Variants in SDF4 observed in about 807,000 individuals in gnomAD.
SDF4 encodes the protein 45 kDa calcium-binding protein.
A neutral mutation model predicts 34.2 loss-of-function variants in SDF4; 22 were observed. The ratio of observed to expected loss-of-function variants is 0.64; its 90% CI spans 0.46 to 0.92. The LOEUF (loss-of-function observed/expected upper bound fraction) is 0.92, where lower values mean the gene tolerates loss of function less well. SDF4 is among the 40% of genes least tolerant of loss of function. SDF4 has a pLI of 0.00. For missense variants in SDF4, 447 were observed against 499.9 expected (o/e 0.89, Z 1.01); for synonymous variants, 236 against 203.1 (o/e 1.16, Z -1.38).
In SDF4 at chr1:1,217,631, C is replaced by T. The variant is rs1016559721; in HGVS notation, c.949G>A (p.Ala317Thr). ...NALNEAKQMI[A>T]VADENQNHHL... ...TGGTTCTGGTTCTCGTCGGCGACGG[C>T]GATCATCTGCTTGGCCTCGTTCAGC... Residue 317 changes from alanine (A) to threonine (T), a missense_variant, in exon 7 of 7, where the codon GCC (alanine) becomes ACC (threonine). Ala to Thr is a moderately conservative substitution (Grantham distance 58). Coordinates refer to ENST00000360001, the MANE Select transcript of SDF4 (RefSeq NM_016176.6). The surrounding 1 kb of genome is among the most constrained non-coding windows in gnomAD (Gnocchi z 8.5). 17 of 1,613,696 alleles carry T rather than the reference C, an allele frequency of 1.1e-5. No homozygotes were observed. Among genetic ancestry groups the T allele is most frequent in the African/African-American group, 2.7e-5 (2 of 74,908 alleles).
chr1:1,227,685 G>A (rs58937376), intron 2 of SDF4, among the ~76,000 whole-genome samples: 25,557 of 152,170 alleles, frequency 0.17, 3,848 homozygotes, highest in East Asian at 0.6. Context: ...GGGCCACACC[G>A]CAGGGCACCC....
chr1:1,223,801 C>T lies in SDF4; in HGVS notation c.442+31G>A, dbSNP rs768137926. Reference sequence around the variant, plus strand: ...CCATGGCCCTGCCCGCCCCGCCCACCGCCCCACCCACCCCGGCCCAGCCAC... The same window carrying T: ...CCATGGCCCTGCCCGCCCCGCCCACTGCCCCACCCACCCCGGCCCAGCCAC... On this transcript the variant is annotated intron_variant, in intron 3 of 6. Transcript: ENST00000360001. 1.9e-4 allele frequency: 118 copies of T among 631,116 alleles called. 1 individual carries two copies. The highest frequency in any genetic ancestry group is 1.5e-3 in the South Asian group (87 of 58,186). 39.1% of individuals were successfully genotyped at this position (631,116 alleles called of 1,614,324 possible). A position where few individuals can be genotyped will look rare whatever the true frequency, so the allele number is the denominator to read the frequency against.
chr1:1,223,154 GAC>G (rs59317408), intron 4 of SDF4, 88 bp downstream of exon 4: 32 of 901,860 alleles, frequency 3.5e-5, no homozygotes, highest in African/African-American at 8.2e-5. Context: ...ACTCATACAC[GAC>G]ACACACGGCA....
chr1:1,228,663 G>A lies in SDF4; in HGVS notation c.110C>T (p.Thr37Ile). 6.2e-7 allele frequency: 1 copy of A among 1,613,150 alleles called. No individual in the cohort carries two copies. Among genetic ancestry groups the A allele is most frequent in the South Asian group, 1.1e-5 (1 of 91,084 alleles). The stretch of plus-strand genomic sequence containing the variant: ...CTCCCTGTTGGCTACTCTCTCTCGA[G>A]TGGACGAGTGGTTGGCAGGCCGTGC... ...ASARPANHSSTRERVANREEN... is the reference protein window; with the variant it reads ...ASARPANHSSIRERVANREEN... Residue 37 changes from threonine to isoleucine, a missense_variant, in exon 2 of 7, where the codon ACT becomes ATT. By Grantham distance (89) the Thr-to-Ile change is moderately conservative (BLOSUM62 -1). Coordinates refer to ENST00000360001, the MANE Select transcript of SDF4 (RefSeq NM_016176.6).
In SDF4 at chr1:1,228,753, G is replaced by A; in HGVS notation, c.20C>T (p.Pro7Leu). MASRWG[P>L]LIGLAPCCLW... ...GCAGCACGGAGCCAGGCCAATGAGG[G>A]GACCCCACCTGGACGCCATCGCCAC... is the stretch of plus-strand genomic sequence containing the variant. Residue 7 changes from proline to leucine, a missense_variant, in exon 2 of 7, where the codon CCC (proline) becomes CTC (leucine). Transcript: ENST00000360001. 1 of 1,611,222 alleles carries A rather than the reference G, an allele frequency of 6.2e-7. No homozygotes were observed. The highest frequency in any genetic ancestry group is 8.5e-7 in the Non-Finnish European group (1 of 1,179,632).
rs1649676186 is a variant in SDF4, at chr1:1,218,518, C to T, written c.831G>A (p.Lys277=). The change falls in exon 6 of 7, where the codon AAG becomes AAA. Residue 277 remains lysine (K), a synonymous_variant. Coordinates refer to ENST00000360001, the MANE Select transcript of SDF4 (RefSeq NM_016176.6). This position sits in a 1 kb window ranked among gnomAD's most constrained non-coding sequence, Gnocchi z 7.9. ...IDDNWVKDRK[K]EFEELIDSNH... ...TGGAGTCAATGAGCTCCTCAAACTC[C>T]TTTTTTCTGTCTTTCACCCAGTTGT... 1.2e-6 allele frequency: 2 copies of T among 1,613,886 alleles called. No individual in the cohort carries two copies. Among genetic ancestry groups the T allele is most frequent in the Non-Finnish European group, 1.7e-6 (2 of 1,179,962 alleles).
In SDF4 at chr1:1,217,523, C is replaced by A. The variant is rs779154302; in HGVS notation, c.1057G>T (p.Glu353Ter). 1.9e-6 allele frequency: 3 copies of A among 1,605,028 alleles called. No homozygotes were observed. Among genetic ancestry groups the A allele is most frequent in the Non-Finnish European group, 2.6e-6 (3 of 1,175,242 alleles). The change falls in exon 7 of 7, where the codon GAG becomes TAG. Residue 353 changes from glutamate to a stop codon, truncating the protein, a stop_gained. Transcript: ENST00000360001. LOFTEE classifies it high-confidence loss of function. This position sits in a 1 kb window ranked among gnomAD's most constrained non-coding sequence, Gnocchi z 8.5. ...GCGCGGCCGGGCGCTCAAAACTCCT[C>A]GTGCACGCTGCGCGCGTAGTCCACC... ...KLVDYARSVH[E>*]EF
At position 1,218,100 on chromosome 1, in the gene SDF4, C is replaced by T. The variant is rs1044963591; in HGVS notation, c.891+358G>A. ...GGTGGTAAATTCCAGCCATGTGGCA[C>T]AGGCCGCCCCGCCCACCTGCACCTG... is the stretch of plus-strand genomic sequence containing the variant. On this transcript the variant is annotated intron_variant, in intron 6 of 6. Transcript: ENST00000360001. The surrounding 1 kb of genome is among the most constrained non-coding windows in gnomAD (Gnocchi z 7.9). Among the ~76,000 whole-genome samples the T allele has an allele frequency of 1.3e-5, 2 of 152,252 alleles. No homozygotes were observed. The highest frequency in any genetic ancestry group is 4.8e-5 in the African/African-American group (2 of 41,472).
At chr1:1,231,863 G>C (rs1273771346) in intron 1 of SDF4, 29 bp downstream of exon 1, 1 of 152,138 alleles carries the variant, frequency 6.6e-6, no homozygotes, top group Non-Finnish European at 1.5e-5. Context: ...CCCGCGGCCT[G>C]CAGCGGCCGT....
chr1:1,226,013 C>T (rs12087719), intron 2 of SDF4, among the ~76,000 whole-genome samples: 20,297 of 152,280 alleles, frequency 0.13, 1,674 homozygotes, highest in African/African-American at 0.23. Flanking sequence ...GTGAACAGGG[C>T]TGGCAGAACA....
Position 1,228,571 on chromosome 1 carries a change from G to C in SDF4, c.202C>G (p.Arg68Gly). ...VKLEMDGHLNRGFHQEVFLGK... is the reference protein window; with the variant it reads ...VKLEMDGHLNGGFHQEVFLGK... ...AGGAAGACCTCCTGGTGGAAGCCGCGATTGAGGTGCCCGTCCATCTCCAGC... is the reference window on the plus strand; with the variant it reads ...AGGAAGACCTCCTGGTGGAAGCCGCCATTGAGGTGCCCGTCCATCTCCAGC... The change falls in exon 2 of 7, where the codon CGC (arginine) becomes GGC (glycine). Residue 68 changes from arginine to glycine, a missense_variant. Transcript: ENST00000360001. 6.2e-7 allele frequency: 1 copy of C among 1,613,168 alleles called. No homozygotes were observed. Among genetic ancestry groups the C allele is most frequent in the Middle Eastern group, 1.6e-4 (1 of 6,062 alleles).
intron 4 of SDF4, chr1:1,221,058 C>A (rs562220731): frequency 1.9e-5 from 6 of 317,906 alleles, no homozygotes; most frequent in Non-Finnish European, 3.1e-5. Flanking sequence ...ACTTTGAGAC[C>A]AGCCTGGGCA....
intron 1 of SDF4, among the ~76,000 whole-genome samples, chr1:1,231,027 G>A (rs1301450213): frequency 6.6e-6 from 1 of 152,204 alleles, no homozygotes; most frequent in African/African-American, 2.4e-5. Flanking sequence ...CGTGAGACCA[G>A]CCTGGGCAAC....
At chr1:1,231,229 C>G (rs1350014397) in intron 1 of SDF4, among the ~76,000 whole-genome samples, 1 of 152,174 alleles carries the variant, frequency 6.6e-6, no homozygotes, top group Non-Finnish European at 1.5e-5. Context: ...GCGGGCCGGT[C>G]CCACCGGAAT....
chr1:1,221,953 AAAAG>A lies in SDF4; in HGVS notation c.556+1287_556+1290del, dbSNP rs531731088. On this transcript the variant is annotated intron_variant, in intron 4 of 6. Transcript: ENST00000360001. ...TAGCAGAGTGAGACCGTCTCATGAA[AAAAG>A]AAAGAAGAGGTGGTTTGCCTTGAGA... Among the ~76,000 whole-genome samples the A allele has an allele frequency of 2.0e-3, 310 of 152,372 alleles. 1 individual carries two copies. The highest frequency in any genetic ancestry group is 6.9e-3 in the African/African-American group (285 of 41,586).
intron 2 of SDF4, among the ~76,000 whole-genome samples, chr1:1,224,896 T>C (rs1053884608): frequency 3.9e-5 from 6 of 152,190 alleles, no homozygotes; most frequent in African/African-American, 1.2e-4. Context: ...CTGGGCGGCA[T>C]ACCGAGACCC....
At chr1:1,220,576 C>A (rs376670969) in intron 4 of SDF4, 3 of 1,282,654 alleles carry the variant, frequency 2.3e-6, no homozygotes, top group Non-Finnish European at 3.0e-6. Context: ...GAGGCCAAGA[C>A]GGATCGGACA....
chr1:1,226,109 C>T (rs1570486725), intron 2 of SDF4, among the ~76,000 whole-genome samples: 1 of 152,352 alleles, frequency 6.6e-6, no homozygotes, highest in Non-Finnish European at 1.5e-5. Context: ...GTGCCCAGAC[C>T]CTGGCTTCCA....
At chr1:1,223,138 C>A (rs766596399) in intron 4 of SDF4, 106 bp downstream of exon 4, 1 of 807,326 alleles carries the variant, frequency 1.2e-6, no homozygotes, top group Admixed American at 1.9e-5. Flanking sequence ...AGCACACGCA[C>A]GGCACACTCA....
Sources: allele counts gnomAD v4.1 joint callset (sites outside exome capture counted in the v4.1 genomes callset), GRCh38; gene constraint gnomAD v4.1.1; non-coding constraint Gnocchi (gnomAD v3.1); transcripts MANE v1.5; gene names NCBI Gene and HGNC (gene_info 2026-07-23, HGNC 2026-07-21).